Variants in SCN1A observed in about 807,000 individuals in gnomAD.
SCN1A encodes the protein sodium channel protein type 1 subunit alpha.
In SCN1A, 13 loss-of-function variants were observed where a neutral mutation model predicts 193.7. That is an observed-to-expected ratio of 0.07 (90% CI 0.04 to 0.11). The LOEUF (loss-of-function observed/expected upper bound fraction) is 0.11, where lower values mean the gene tolerates loss of function less well. SCN1A is among the 10% of genes least tolerant of loss of function. The pLI is 1.00. For missense variants in SCN1A, 1,432 were observed against 2,451.1 expected (o/e 0.58, Z 8.78); for synonymous variants, 781 against 843.6 (o/e 0.93, Z 1.29).
At chr2:166,093,590 G>A (rs1380146293) in intron 2 of SCN1A, among the ~76,000 whole-genome samples, 2 of 152,028 alleles carry the variant, frequency 1.3e-5, no homozygotes, top group African/African-American at 4.8e-5. Context: ...CGATCCACCC[G>A]CCTCGGCCTC....
At chr2:166,008,109 T>C (rs1301984272) in intron 23 of SCN1A, among the ~76,000 whole-genome samples, 1 of 151,268 alleles carries the variant, frequency 6.6e-6, no homozygotes, top group East Asian at 1.9e-4. Context: ...TATAAGGATT[T>C]TATGTCTAAA....
intron 5 of SCN1A, among the ~76,000 whole-genome samples, chr2:166,057,486 A>G (rs1699248310): frequency 1.3e-5 from 2 of 152,036 alleles, no homozygotes; most frequent in African/African-American, 2.4e-5. Context: ...TTAAGATCCA[A>G]TATTCTTTCC....
At chr2:166,086,307 T>C (rs1043873292) in intron 2 of SCN1A, among the ~76,000 whole-genome samples, 1 of 152,152 alleles carries the variant, frequency 6.6e-6, no homozygotes. Context: ...GACCACCCAC[T>C]AGGGAATGAT....
intron 22 of SCN1A, 138 bp downstream of exon 22, chr2:166,011,971 C>G (rs1692521843): frequency 4.1e-6 from 3 of 731,360 alleles, no homozygotes; most frequent in Non-Finnish European, 7.1e-6. Flanking sequence ...AGAAATGACA[C>G]TCTCATTGCA....
chr2:165,998,755 A>AG (rs5836072), intron 25 of SCN1A, among the ~76,000 whole-genome samples: 105,730 of 151,080 alleles, frequency 0.7, 38,044 homozygotes, highest in African/African-American at 0.87. Context: ...ATGGACTGAA[A>AG]GGTCACTATA....
In SCN1A at chr2:166,038,153, A is replaced by G. The variant is rs372347470; in HGVS notation, c.2590-21T>C. Reference sequence around the variant, plus strand: ...CGCAGCTGGAAAATGAAAGATTAATATATATTTGTATGATTCTTAAAAGCA... The same window carrying G: ...CGCAGCTGGAAAATGAAAGATTAATGTATATTTGTATGATTCTTAAAAGCA... On this transcript the variant is annotated intron_variant, in intron 17 of 28. Transcript: ENST00000674923. 44 of 1,534,382 alleles carry G rather than the reference A, an allele frequency of 2.9e-5. 1 individual carries two copies. Among genetic ancestry groups the G allele is most frequent in the Middle Eastern group, 3.4e-4 (2 of 5,798 alleles).
intron 2 of SCN1A, among the ~76,000 whole-genome samples, chr2:166,124,573 C>A (rs527819276): frequency 5.3e-5 from 8 of 151,764 alleles, no homozygotes; most frequent in African/African-American, 1.7e-4. Flanking sequence ...AACAAACAAA[C>A]AAATGGAGTG....
intron 10 of SCN1A, 123 bp from the exon 11 acceptor site, chr2:166,047,891 T>C: frequency 2.3e-6 from 3 of 1,304,026 alleles, no homozygotes; most frequent in Non-Finnish European, 3.3e-6. Context: ...GACAAATAAG[T>C]AACTAATCTA....
At chr2:166,041,658 A>G (rs375834247) in intron 15 of SCN1A, among the ~76,000 whole-genome samples, 189 bp from the exon 16 acceptor site, 1 of 152,192 alleles carries the variant, frequency 6.6e-6, no homozygotes, top group Non-Finnish European at 1.5e-5. Flanking sequence ...AGACACACAC[A>G]TAGAGCCCAG....
At chr2:166,057,378 A>G (rs1167132570) in intron 5 of SCN1A, among the ~76,000 whole-genome samples, 1 of 152,028 alleles carries the variant, frequency 6.6e-6, no homozygotes, top group Non-Finnish European at 1.5e-5. Flanking sequence ...CCTAAAAATT[A>G]GTTTATCACT....
chr2:166,005,872 T>C (rs1476132137), intron 23 of SCN1A, among the ~76,000 whole-genome samples: 2 of 151,356 alleles, frequency 1.3e-5, no homozygotes, highest in Non-Finnish European at 3.0e-5. Flanking sequence ...AAAGGAGCTA[T>C]CTTAATGAAT....
intron 1 of SCN1A, among the ~76,000 whole-genome samples, chr2:166,143,245 C>T (rs1416258324): frequency 3.4e-5 from 5 of 146,666 alleles, no homozygotes; most frequent in East Asian, 2.0e-4. Flanking sequence ...CGGCTCACTG[C>T]AAGCTCCGCC....
At chr2:166,020,894 A>G (rs1019440728) in intron 19 of SCN1A, among the ~76,000 whole-genome samples, 14 of 152,170 alleles carry the variant, frequency 9.2e-5, no homozygotes, top group African/African-American at 2.9e-4. Flanking sequence ...TTGATGTAGC[A>G]CTCCAAACAA....
intron 24 of SCN1A, 126 bp downstream of exon 24, chr2:166,002,346 A>C (rs1691005334): frequency 2.9e-6 from 3 of 1,049,656 alleles, no homozygotes; most frequent in Non-Finnish European, 4.0e-6. Flanking sequence ...TTGTACTAAC[A>C]AATTGAAATT....
chr2:166,071,243 TTTG>T (rs563529783), intron 4 of SCN1A, among the ~76,000 whole-genome samples: 100 of 152,264 alleles, frequency 6.6e-4, no homozygotes, highest in African/African-American at 2.3e-3. Context: ...GTCCTTGTAG[TTTG>T]TTTAGTTTGG....
rs1196091974 is a variant in SCN1A, at chr2:165,986,278, A to G, written c.*4967T>C. ...TTATTCTTAATTTTCTGGCTTAACT[A>G]TAGACATATGAAAACCTTGTCATAA... is the stretch of plus-strand genomic sequence containing the variant. On this transcript the variant is annotated 3_prime_UTR_variant, in exon 29 of 29. Transcript: ENST00000674923. The G allele has an allele frequency of 1.3e-5, 2 of 152,142 alleles. No individual in the cohort carries two copies. The highest frequency in any genetic ancestry group is 2.4e-5 in the African/African-American group (1 of 41,448). The allele number at this position is 152,142 out of a possible 1,614,324, so 9.4% of individuals were successfully genotyped here.
intron 1 of SCN1A, among the ~76,000 whole-genome samples, chr2:166,140,938 T>C (rs544064729): frequency 5.3e-5 from 8 of 152,322 alleles, no homozygotes; most frequent in Admixed American, 3.9e-4. Flanking sequence ...AAATGTGGAC[T>C]CTTTGGCTCC....
At chr2:166,065,462 G>T (rs1683740242) in intron 4 of SCN1A, among the ~76,000 whole-genome samples, 1 of 152,104 alleles carries the variant, frequency 6.6e-6, no homozygotes, top group South Asian at 2.1e-4. Context: ...ACTTTAAATG[G>T]TCTCACCTAC....
intron 1 of SCN1A, among the ~76,000 whole-genome samples, chr2:166,142,327 A>G (rs1692122670): frequency 6.6e-6 from 1 of 152,190 alleles, no homozygotes; most frequent in Admixed American, 6.5e-5. Flanking sequence ...TTGACTGATA[A>G]TAGTTGTGTC....
Sources: allele counts gnomAD v4.1 joint callset (sites outside exome capture counted in the v4.1 genomes callset), GRCh38; gene constraint gnomAD v4.1.1; transcripts MANE v1.5; gene names NCBI Gene and HGNC (gene_info 2026-07-23, HGNC 2026-07-21).